Variants in TOR1AIP2 observed in about 807,000 individuals in gnomAD.
The protein encoded by TOR1AIP2 is torsin-1A-interacting protein 2.
In TOR1AIP2, 20 loss-of-function variants were observed where a neutral mutation model predicts 32.6. The ratio of observed to expected loss-of-function variants is 0.61; its 90% confidence interval spans 0.43 to 0.89. The LOEUF (loss-of-function observed/expected upper bound fraction) is 0.89, where lower values mean the gene tolerates loss of function less well. Among genes scored for constraint, TOR1AIP2 ranks in the 40% least tolerant of loss-of-function variants. The pLI is 0.00. For synonymous variants in TOR1AIP2, 214 were observed against 210.8 expected (o/e 1.02, Z -0.13); for missense variants, 456 against 553.8 (o/e 0.82, Z 1.77).
At chr1:179,859,775 T>G in intron 3 of TOR1AIP2, 1 of 985,500 alleles carries the variant, frequency 1.0e-6, no homozygotes, top group Non-Finnish European at 1.2e-6. Context: ...TACTACAGGC[T>G]CAACCTCATC....
chr1:179,860,538 C>T, intron 3 of TOR1AIP2: 1 of 985,440 alleles, frequency 1.0e-6, no homozygotes, highest in Non-Finnish European at 1.2e-6. Context: ...CTAACTTCTG[C>T]TTTTGCTTTC....
intron 3 of TOR1AIP2, chr1:179,863,353 T>C: frequency 1.0e-6 from 1 of 977,784 alleles, no homozygotes; most frequent in Non-Finnish European, 1.2e-6. Context: ...TACTTTCTAA[T>C]GAGATGTAAG....
At position 179,846,592 on chromosome 1, in the gene TOR1AIP2, A is replaced by T; in HGVS notation, c.892T>A (p.Phe298Ile). 6.2e-7 allele frequency: 1 copy of T among 1,614,156 alleles called. No individual in the cohort carries two copies. The highest frequency in any genetic ancestry group is 8.5e-7 in the Non-Finnish European group (1 of 1,180,022). Residue 298 changes from phenylalanine to isoleucine, a missense_variant, in exon 7 of 7, where the codon TTT becomes ATT. By Grantham distance (21) the Phe-to-Ile change is conservative. Transcript: ENST00000609928. ...SNPTEPATII[F>I]TAAREGRETL... ...TCTCTTCCCTCCCGAGCTGCTGTAA[A>T]TATGATGGTGGCTGGCTCAGTGGGG... is the stretch of plus-strand genomic sequence containing the variant.
In TOR1AIP2 at chr1:179,843,892, A is replaced by G. The variant is rs763104271; in HGVS notation, c.*2179T>C. 1 of 151,848 alleles carries G rather than the reference A, an allele frequency of 6.6e-6. No homozygotes were observed. The highest frequency in any genetic ancestry group is 1.5e-5 in the Non-Finnish European group (1 of 67,982). The allele number at this position is 151,848 out of a possible 1,614,324, so 9.4% of individuals were successfully genotyped here. A position where few individuals can be genotyped will look rare whatever the true frequency, so the allele number is the denominator to read the frequency against. ...ACTGACAACACCCTCAATTGATTGCACTATACATGGAAGGGAAAATGTTTT... is the reference window on the plus strand; with the variant it reads ...ACTGACAACACCCTCAATTGATTGCGCTATACATGGAAGGGAAAATGTTTT... On this transcript the variant is annotated 3_prime_UTR_variant, in exon 7 of 7. Transcript: ENST00000609928.
At chr1:179,876,245 A>T (rs1204975877) in intron 2 of TOR1AIP2, 1 of 152,242 alleles carries the variant, frequency 6.6e-6, no homozygotes, top group Non-Finnish European at 1.5e-5. Context: ...TTCTTAGGCA[A>T]AAATAAGTTA....
At chr1:179,865,052 C>T (rs367606779) in intron 3 of TOR1AIP2, 6 of 1,614,022 alleles carry the variant, frequency 3.7e-6, no homozygotes, top group Admixed American at 1.7e-5. Context: ...TCTGTTAATA[C>T]GGTCTAAGAA....
Position 179,846,434 on chromosome 1 carries a change from C to T in TOR1AIP2, c.1050G>A (p.Glu350=). The change falls in exon 7 of 7, where the codon GAG becomes GAA. Residue 350 remains glutamate (E), a synonymous_variant. Coordinates refer to ENST00000609928, the MANE Select transcript of TOR1AIP2 (RefSeq NM_001199260.2). Reference sequence around the variant, plus strand: ...GGCCATTCTCAAACCCATAGCTCAGCTCCAGGTCAACCAACAGCTTGACCG... The same window carrying T: ...GGCCATTCTCAAACCCATAGCTCAGTTCCAGGTCAACCAACAGCTTGACCG... ...SDTVKLLVDL[E]LSYGFENGQK... 2 of 1,614,192 alleles carry T rather than the reference C, an allele frequency of 1.2e-6. No homozygotes were observed. Among genetic ancestry groups the T allele is most frequent in the South Asian group, 1.1e-5 (1 of 91,078 alleles).
chr1:179,861,587 C>T, intron 3 of TOR1AIP2: 1 of 985,390 alleles, frequency 1.0e-6, no homozygotes, highest in Non-Finnish European at 1.2e-6. Flanking sequence ...GTGAAGAAGA[C>T]TGAAACATTC....
At chr1:179,865,296 A>T (rs1370639151) in intron 3 of TOR1AIP2, 140 bp downstream of exon 3, 3 of 1,317,348 alleles carry the variant, frequency 2.3e-6, no homozygotes, top group Non-Finnish European at 3.1e-6. Context: ...AGTTCAACCA[A>T]TATTATTTGG....
At chr1:179,868,432 T>C (rs1696877606) in intron 2 of TOR1AIP2, 1 of 152,206 alleles carries the variant, frequency 6.6e-6, no homozygotes, top group Non-Finnish European at 1.5e-5. Flanking sequence ...AAATGTAACT[T>C]GAATTCTTAT....
Position 179,846,706 on chromosome 1 carries a change from T to G in TOR1AIP2, c.778A>C (p.Ser260Arg). The G allele has an allele frequency of 6.2e-7, 1 of 1,614,112 alleles. No individual in the cohort carries two copies. Among genetic ancestry groups the G allele is most frequent in the Non-Finnish European group, 8.5e-7 (1 of 1,180,038 alleles). The change falls in exon 7 of 7, where the codon AGC becomes CGC. Residue 260 changes from serine (S) to arginine (R), a missense_variant. Transcript: ENST00000609928. ...PALEAFLAQF[S>R]QLEDKFPGQS... ...CCTGGAAATTTATCTTCCAATTGGCTAAACTGGGCCAAAAAGGCCTCCAAA... is the reference window on the plus strand; with the variant it reads ...CCTGGAAATTTATCTTCCAATTGGCGAAACTGGGCCAAAAAGGCCTCCAAA...
intron 2 of TOR1AIP2, chr1:179,875,547 A>G (rs1036907199): frequency 2.6e-5 from 4 of 152,232 alleles, no homozygotes; most frequent in Non-Finnish European, 4.4e-5. Context: ...TTTTCCAAAA[A>G]TGTCATTACA....
At chr1:179,854,116 C>A (rs1355801230) in intron 3 of TOR1AIP2, among the ~76,000 whole-genome samples, 1 of 152,138 alleles carries the variant, frequency 6.6e-6, no homozygotes, top group Admixed American at 6.5e-5. Flanking sequence ...CAAAAATTTT[C>A]AAAAGGAATG....
At chr1:179,861,604 AGTTT>A (rs1696535166) in intron 3 of TOR1AIP2, 1 of 985,392 alleles carries the variant, frequency 1.0e-6, no homozygotes. Context: ...ATTCCTGATT[AGTTT>A]AATTAATGAG....
rs1179494579 is a variant in TOR1AIP2 at position 179,850,988 on chromosome 1, A to T, written c.410T>A (p.Val137Glu). ...RADAHLGSSS[V>E]ALPKEASDGT... ...GTCACTCGCTTCCTTAGGGAGGGCC[A>T]CAGAGCTGCTCCCTAAGTGTGCATC... is the stretch of plus-strand genomic sequence containing the variant. Residue 137 changes from valine (V) to glutamate (E), a missense_variant, in exon 5 of 7, where the codon GTG becomes GAG. Val to Glu is a moderately radical substitution (Grantham distance 121). Coordinates refer to ENST00000609928, the MANE Select transcript of TOR1AIP2 (RefSeq NM_001199260.2). 1 of 1,614,086 alleles carries T rather than the reference A, an allele frequency of 6.2e-7. No individual in the cohort carries two copies. The highest frequency in any genetic ancestry group is 1.3e-5 in the African/African-American group (1 of 74,930).
chr1:179,841,240 C>A lies in TOR1AIP2; in HGVS notation c.*4831G>T, dbSNP rs1215247106. 6.6e-6 allele frequency: 1 copy of A among 152,126 alleles called. No individual in the cohort carries two copies. Among genetic ancestry groups the A allele is most frequent in the Non-Finnish European group, 1.5e-5 (1 of 68,026 alleles). 9.4% of individuals were successfully genotyped at this position (152,126 alleles called of 1,614,324 possible). Reference sequence around the variant, plus strand: ...TACTTGACTTGTGAAAAACAAAAAACCACCATGACTTCTCAACAAATACAT... The same window carrying A: ...TACTTGACTTGTGAAAAACAAAAAAACACCATGACTTCTCAACAAATACAT... On this transcript the variant is annotated 3_prime_UTR_variant, in exon 7 of 7. Transcript: ENST00000609928.
intron 3 of TOR1AIP2, chr1:179,860,651 C>T (rs1452122592): frequency 1.0e-5 from 10 of 984,632 alleles, no homozygotes; most frequent in Non-Finnish European, 1.2e-5. Context: ...GGTATTATTA[C>T]ACAACCTTTT....
intron 3 of TOR1AIP2, chr1:179,859,164 G>T (rs1480343559): frequency 1.0e-6 from 1 of 985,218 alleles, no homozygotes; most frequent in East Asian, 1.1e-4. Flanking sequence ...ATGAAAACGA[G>T]TAACAAATAA....
chr1:179,848,413 A>T (rs1165091729), intron 5 of TOR1AIP2, among the ~76,000 whole-genome samples: 2 of 152,260 alleles, frequency 1.3e-5, no homozygotes, highest in Non-Finnish European at 2.9e-5. Context: ...ATTAGTGTAC[A>T]GTTGCAAAAT....
Sources: allele counts gnomAD v4.1 joint callset (sites outside exome capture counted in the v4.1 genomes callset), GRCh38; gene constraint gnomAD v4.1.1; transcripts MANE v1.5; gene names NCBI Gene and HGNC (gene_info 2026-07-23, HGNC 2026-07-21).